The following SUPT3H variants were observed in gnomAD, a reference collection of about 807,000 sequenced individuals.
SUPT3H encodes the protein SPT3 homolog, SAGA and STAGA complex component, also known as transcription initiation protein SPT3 homolog.
A neutral mutation model predicts 44.3 loss-of-function variants in SUPT3H; 44 were observed. The ratio of observed to expected loss-of-function variants is 0.99; its 90% CI spans 0.78 to 1.28. SUPT3H has a LOEUF of 1.28. SUPT3H is among the 50% of genes most tolerant of loss of function. The probability of loss-of-function intolerance (pLI) is 0.00; values close to 1 mark genes in which losing one functional copy is unlikely to be tolerated. For missense variants in SUPT3H, 380 were observed against 387.1 expected (o/e 0.98, Z 0.15); for synonymous variants, 124 against 125.6 (o/e 0.99, Z 0.09).
At chr6:45,275,311 T>G (rs138308185) in intron 2 of SUPT3H, among the ~76,000 whole-genome samples, 17 of 152,342 alleles carry the variant, frequency 1.1e-4, no homozygotes, top group African/African-American at 4.1e-4. Context: ...TCAATATTCA[T>G]TCATCTATAA....
At chr6:45,334,942 A>T (rs993905697) in intron 2 of SUPT3H, among the ~76,000 whole-genome samples, 4 of 151,316 alleles carry the variant, frequency 2.6e-5, no homozygotes, top group African/African-American at 9.7e-5. Flanking sequence ...GTTATTTTCC[A>T]GTTATAAACT....
intron 2 of SUPT3H, among the ~76,000 whole-genome samples, chr6:45,276,981 C>A (rs908967253): frequency 1.3e-5 from 2 of 152,158 alleles, no homozygotes; most frequent in African/African-American, 4.8e-5. Context: ...AAACACATTT[C>A]TATTTTCTAT....
chr6:44,941,789 T>C (rs961300903), intron 9 of SUPT3H, among the ~76,000 whole-genome samples: 1 of 152,156 alleles, frequency 6.6e-6, no homozygotes, highest in African/African-American at 2.4e-5. Context: ...ACGTAGTGAG[T>C]GTAGAGATTT....
intron 6 of SUPT3H, among the ~76,000 whole-genome samples, chr6:44,987,423 C>T (rs1331372469): frequency 6.6e-6 from 1 of 151,996 alleles, no homozygotes; most frequent in African/African-American, 2.4e-5. Flanking sequence ...ACAGCACATG[C>T]AAAATTCTGG....
chr6:45,191,686 C>T (rs1337622771), intron 2 of SUPT3H, among the ~76,000 whole-genome samples: 1 of 151,892 alleles, frequency 6.6e-6, no homozygotes, highest in Non-Finnish European at 1.5e-5. Flanking sequence ...CTAAAAAATA[C>T]AGTCTACAAA....
intron 6 of SUPT3H, among the ~76,000 whole-genome samples, chr6:44,980,824 T>G (rs16873005): frequency 0.069 from 10,536 of 152,206 alleles, 1,212 homozygotes; most frequent in African/African-American, 0.24. Flanking sequence ...TAAACTTCAC[T>G]AGAGTACTTT....
chr6:45,221,388 G>T (rs1696692725), intron 2 of SUPT3H, among the ~76,000 whole-genome samples: 1 of 146,532 alleles, frequency 6.8e-6, no homozygotes, highest in South Asian at 2.5e-4. Context: ...ATAATAATAA[G>T]AGTGAAATAG....
At chr6:45,053,965 T>C (rs897686307) in intron 3 of SUPT3H, among the ~76,000 whole-genome samples, 1 of 149,952 alleles carries the variant, frequency 6.7e-6, no homozygotes. Flanking sequence ...CCTTCTCCCC[T>C]GAAGACCATC....
intron 2 of SUPT3H, among the ~76,000 whole-genome samples, chr6:45,142,392 T>A (rs1274504359): frequency 6.6e-6 from 1 of 152,066 alleles, no homozygotes; most frequent in East Asian, 1.9e-4. Flanking sequence ...CAACAGTACA[T>A]CACATCTCAA....
chr6:44,982,635 C>T (rs1397775695), intron 6 of SUPT3H, among the ~76,000 whole-genome samples: 2 of 152,118 alleles, frequency 1.3e-5, no homozygotes, highest in Non-Finnish European at 2.9e-5. Context: ...ATCAAAGATA[C>T]AGCTATGTAC....
At chr6:44,969,336 C>A (rs567436842) in intron 6 of SUPT3H, among the ~76,000 whole-genome samples, 1 of 152,094 alleles carries the variant, frequency 6.6e-6, no homozygotes, top group Non-Finnish European at 1.5e-5. Context: ...ATACATTATA[C>A]TTTTGATAGT....
chr6:45,244,474 T>C (rs1199539615), intron 2 of SUPT3H, among the ~76,000 whole-genome samples: 1 of 152,208 alleles, frequency 6.6e-6, no homozygotes, highest in African/African-American at 2.4e-5. Flanking sequence ...CTTCATTATT[T>C]AAATCTTACA....
chr6:45,265,014 A>G (rs1312531974), intron 2 of SUPT3H, among the ~76,000 whole-genome samples: 1 of 152,180 alleles, frequency 6.6e-6, no homozygotes, highest in Non-Finnish European at 1.5e-5. Context: ...CCTATGAAGT[A>G]TTGGAGTGAG....
rs577199491 is a variant in SUPT3H at position 45,284,389 on chromosome 6, C to T, written c.101+80812G>A. ...AGAAGTGAGAGGAATCAAATACATG[C>T]AATAAAAAATGATAAAGGGGATATC... On this transcript the variant is annotated intron_variant, in intron 2 of 10. Transcript: ENST00000371459. Among the ~76,000 whole-genome samples the T allele has an allele frequency of 2.6e-5, 4 of 151,990 alleles. No homozygotes were observed. In the South Asian group the frequency reaches 8.3e-4, roughly 32 times the overall value.
rs1797718473 is a variant in SUPT3H at position 45,095,878 on chromosome 6, C to T, written c.186+10044G>A. Among the ~76,000 whole-genome samples the T allele has an allele frequency of 6.6e-6, 1 of 152,036 alleles. No individual in the cohort carries two copies. The highest frequency in any genetic ancestry group is 2.4e-5 in the African/African-American group (1 of 41,412). ...ACCTGGAAAGTGAGGAGTAAGGAAG[C>T]TTAGGATATGAAAAAGTTTGCATCT... On this transcript the variant is annotated intron_variant, in intron 3 of 10. Transcript: ENST00000371459. This position sits in a 1 kb window ranked among gnomAD's most constrained non-coding sequence, Gnocchi z 4.1.
At chr6:45,052,916 G>A (rs536955039) in intron 3 of SUPT3H, among the ~76,000 whole-genome samples, 96 of 152,266 alleles carry the variant, frequency 6.3e-4, no homozygotes, top group African/African-American at 2.1e-3. Flanking sequence ...AAAGGTATGT[G>A]TGATATGAGA....
At chr6:45,226,540 CA>C (rs1191933358) in intron 2 of SUPT3H, among the ~76,000 whole-genome samples, 2 of 151,594 alleles carry the variant, frequency 1.3e-5, no homozygotes, top group South Asian at 2.1e-4. Context: ...CCCATCTCTA[CA>C]AAAAAAAATT....
At chr6:45,349,186 C>T (rs550244436) in intron 2 of SUPT3H, among the ~76,000 whole-genome samples, 1 of 152,158 alleles carries the variant, frequency 6.6e-6, no homozygotes, top group African/African-American at 2.4e-5. Context: ...AAAAGAATAT[C>T]GCTAGTATTT....
chr6:45,328,997 T>C (rs1786919085), intron 2 of SUPT3H, among the ~76,000 whole-genome samples: 1 of 152,116 alleles, frequency 6.6e-6, no homozygotes, highest in South Asian at 2.1e-4. Context: ...ACTTGAAATA[T>C]ACAAAATTAA....
Sources: gnomAD v4.1 joint callset for allele counts (sites outside exome capture counted in the v4.1 genomes callset) on GRCh38, gnomAD v4.1.1 for gene constraint, Gnocchi (gnomAD v3.1) non-coding constraint, MANE v1.5 for transcripts, NCBI Gene and HGNC (gene_info 2026-07-23, HGNC 2026-07-21) for gene names.